The following PINX1 variants were observed in gnomAD, a reference collection of about 807,000 sequenced individuals.
The protein encoded by PINX1 is PIN2 (TERF1) interacting telomerase inhibitor 1, also known as PIN2/TERF1-interacting telomerase inhibitor 1.
In PINX1, 34 loss-of-function variants were observed where a neutral mutation model predicts 25.4. The observed-to-expected ratio is 1.34, with a 90% CI of 1.02 to 1.78. The LOEUF (loss-of-function observed/expected upper bound fraction) is 1.78. Ranked by LOEUF, PINX1 falls within the 40% of genes most tolerant of loss-of-function variation. The probability of loss-of-function intolerance (pLI) is 0.00; values close to 1 mark genes in which losing one functional copy is unlikely to be tolerated. For missense variants in PINX1, 592 were observed against 404.9 expected (o/e 1.46, Z -3.97); for synonymous variants, 197 against 147.7 (o/e 1.33, Z -2.42).
At chr8:10,834,359 C>T (rs1798328067) in intron 2 of PINX1, 3 of 272,030 alleles carry the variant, frequency 1.1e-5, no homozygotes, top group African/African-American at 4.5e-5. Context: ...CAACAAGAAC[C>T]ATTTAAGTGT....
At chr8:10,780,531 G>C (rs1409454856) in intron 6 of PINX1, among the ~76,000 whole-genome samples, 1 of 151,924 alleles carries the variant, frequency 6.6e-6, no homozygotes, top group Non-Finnish European at 1.5e-5. Context: ...AGTTAAACCA[G>C]CCTTGCACGC....
At chr8:10,787,975 T>C (rs749106370) in intron 6 of PINX1, 30 of 361,734 alleles carry the variant, frequency 8.3e-5, no homozygotes, top group Non-Finnish European at 1.1e-4. Flanking sequence ...AACTTGAACA[T>C]TGACTGGATT....
At chr8:10,810,941 G>A (rs2129083066) in intron 6 of PINX1, among the ~76,000 whole-genome samples, 1 of 152,308 alleles carries the variant, frequency 6.6e-6, no homozygotes, top group East Asian at 1.9e-4. Context: ...ATTAAATATT[G>A]TGACTACGCA....
rs190898179 is a variant in PINX1 at position 10,804,183 on chromosome 8, C to T, written c.471+16010G>A. On this transcript the variant is annotated intron_variant, in intron 6 of 6. Coordinates refer to ENST00000314787, the MANE Select transcript of PINX1 (RefSeq NM_017884.6). ...TCAGCAAATTCAGACCAACGCAGAG[C>T]GCAGTGAGAGGCAGGATGGAGATGA... is the stretch of plus-strand genomic sequence containing the variant. 2.5e-4 allele frequency among the ~76,000 whole-genome samples: 38 copies of T among 152,244 alleles called. No individual in the cohort carries two copies. In the East Asian group the frequency reaches 2.7e-3, roughly 11 times the overall value.
chr8:10,797,687 T>C lies in PINX1; in HGVS notation c.471+22506A>G, dbSNP rs1802130311. ...TCACTTTATTTCTAGCACTTCATCA[T>C]CACAGCAAAAGATGCCTCAAACCAC... On this transcript the variant is annotated intron_variant, in intron 6 of 6. Transcript: ENST00000314787. Among the ~76,000 whole-genome samples the C allele has an allele frequency of 2.6e-5, 4 of 152,204 alleles. 1 individual carries two copies. The South Asian group carries it at 8.3e-4, about 32-fold the overall frequency.
chr8:10,835,441 T>C (rs1798375416), intron 1 of PINX1, among the ~76,000 whole-genome samples: 1 of 152,178 alleles, frequency 6.6e-6, no homozygotes, highest in Non-Finnish European at 1.5e-5. Context: ...CAACATACAA[T>C]AGTCATTATG....
chr8:10,765,365 C>T lies in PINX1; in HGVS notation c.*36G>A. On this transcript the variant is annotated 3_prime_UTR_variant, in exon 7 of 7. Transcript: ENST00000314787. Reference sequence around the variant, plus strand: ...GGTGTCTGCCCCCGCAGTGCCCTGACAGCTGAGTGGTCGGAAGGCCCCGGC... The same window carrying T: ...GGTGTCTGCCCCCGCAGTGCCCTGATAGCTGAGTGGTCGGAAGGCCCCGGC... The T allele has an allele frequency of 1.3e-6, 2 of 1,542,430 alleles. No individual in the cohort carries two copies. The highest frequency in any genetic ancestry group is 1.7e-6 in the Non-Finnish European group (2 of 1,150,036).
intron 6 of PINX1, among the ~76,000 whole-genome samples, chr8:10,801,668 G>C (rs997342489): frequency 6.6e-6 from 1 of 152,134 alleles, no homozygotes; most frequent in East Asian, 1.9e-4. Context: ...TGACAGAGCT[G>C]GGACTTGAGC....
intron 6 of PINX1, among the ~76,000 whole-genome samples, chr8:10,788,478 T>C (rs1215978880): frequency 6.6e-6 from 1 of 151,862 alleles, no homozygotes; most frequent in Non-Finnish European, 1.5e-5. Context: ...GGCAAGAGAA[T>C]CGCTTGAAAC....
intron 6 of PINX1, among the ~76,000 whole-genome samples, chr8:10,801,081 G>A (rs1157921309): frequency 1.3e-5 from 2 of 152,184 alleles, no homozygotes; most frequent in African/African-American, 2.4e-5. Context: ...GCAAGATAAA[G>A]AGGAATATAT....
At chr8:10,778,804 G>C (rs1473583074) in intron 6 of PINX1, among the ~76,000 whole-genome samples, 3 of 152,228 alleles carry the variant, frequency 2.0e-5, no homozygotes. Flanking sequence ...GATAAAATGA[G>C]TAGTTCTCTT....
chr8:10,802,851 T>C (rs73208764), intron 6 of PINX1, among the ~76,000 whole-genome samples: 2,249 of 152,288 alleles, frequency 0.015, 33 homozygotes, highest in South Asian at 0.071. Flanking sequence ...CTTCTCTTTG[T>C]TTGCTTCCAG....
intron 5 of PINX1, 111 bp from the exon 6 acceptor site, chr8:10,820,380 A>T (rs1797831503): frequency 1.3e-6 from 1 of 750,266 alleles, no homozygotes; most frequent in Non-Finnish European, 2.4e-6. Flanking sequence ...AAAGAAAGAA[A>T]CAATTTTGAA....
chr8:10,803,838 CTT>C (rs1283198770), intron 6 of PINX1, among the ~76,000 whole-genome samples: 6 of 152,110 alleles, frequency 3.9e-5, no homozygotes, highest in Admixed American at 6.5e-5. Flanking sequence ...TTGTATAACT[CTT>C]AGTATAGTGG....
At chr8:10,784,542 C>T (rs556458331) in intron 6 of PINX1, among the ~76,000 whole-genome samples, 54 of 152,296 alleles carry the variant, frequency 3.5e-4, no homozygotes, top group Middle Eastern at 3.4e-3. Flanking sequence ...TTCAGATTTA[C>T]TTAGGCAAAG....
rs145610881 is a variant in PINX1, at chr8:10,799,770, A to G, written c.471+20423T>C. ...AAGAGGAGCCGCTGGCAGGGGATCA[A>G]GGGAGGACAATGTCCAAGGACTACA... On this transcript the variant is annotated intron_variant, in intron 6 of 6. Transcript: ENST00000314787. 1.2e-4 allele frequency among the ~76,000 whole-genome samples: 19 copies of G among 152,354 alleles called. No individual in the cohort carries two copies. In the East Asian group the frequency reaches 1.7e-3, roughly 14 times the overall value.
chr8:10,824,050 C>T (rs2129087003), intron 5 of PINX1, among the ~76,000 whole-genome samples: 1 of 152,228 alleles, frequency 6.6e-6, no homozygotes, highest in Admixed American at 6.5e-5. Context: ...TCAGCATACC[C>T]ACTGGCGAAA....
chr8:10,790,369 G>C (rs1014056421), intron 6 of PINX1, among the ~76,000 whole-genome samples: 2 of 152,198 alleles, frequency 1.3e-5, no homozygotes, highest in African/African-American at 4.8e-5. Flanking sequence ...CACAGCATCA[G>C]GTCAGATGTG....
chr8:10,822,881 G>C (rs1415292801), intron 5 of PINX1, among the ~76,000 whole-genome samples: 2 of 152,178 alleles, frequency 1.3e-5, no homozygotes, highest in Non-Finnish European at 2.9e-5. Flanking sequence ...GGTTTATGTA[G>C]GTAGCTTCAA....
Sources: gnomAD v4.1 joint callset for allele counts (sites outside exome capture counted in the v4.1 genomes callset) on GRCh38, gnomAD v4.1.1 for gene constraint, MANE v1.5 for transcripts, NCBI Gene and HGNC (gene_info 2026-07-23, HGNC 2026-07-21) for gene names.